Variants in CDH12 observed in about 807,000 individuals in gnomAD.
CDH12 encodes cadherin-12.
Under a neutral mutation model 74.1 loss-of-function variants are expected in CDH12, and 41 were observed. The observed-to-expected ratio is 0.55, with a 90% CI of 0.43 to 0.72. The LOEUF (loss-of-function observed/expected upper bound fraction) is 0.72, where lower values mean the gene tolerates loss of function less well. Among genes scored for constraint, CDH12 ranks in the 30% least tolerant of loss-of-function variants. The probability of loss-of-function intolerance (pLI) is 0.00; values close to 1 mark genes in which losing one functional copy is unlikely to be tolerated. For missense variants in CDH12, 945 were observed against 977.2 expected, an observed-to-expected ratio of 0.97 and a Z score of 0.44; for synonymous variants, 399 against 355.0, an observed-to-expected ratio of 1.12 and a Z score of -1.39.
At chr5:21,791,280 A>G (rs2149907916) in intron 10 of CDH12, among the ~76,000 whole-genome samples, 1 of 152,176 alleles carries the variant, frequency 6.6e-6, no homozygotes, top group East Asian at 1.9e-4. Flanking sequence ...CATTTATAAG[A>G]AAAGACCATC....
chr5:21,861,374 C>T (rs1751034519), intron 6 of CDH12, among the ~76,000 whole-genome samples: 1 of 151,744 alleles, frequency 6.6e-6, no homozygotes, highest in Non-Finnish European at 1.5e-5. Flanking sequence ...TTGTATGGTG[C>T]AATTGCATTA....
intron 1 of CDH12, among the ~76,000 whole-genome samples, chr5:22,840,870 C>T (rs1737053483): frequency 6.6e-6 from 1 of 152,142 alleles, no homozygotes; most frequent in Admixed American, 6.6e-5. Flanking sequence ...GGCTGGTAAT[C>T]AGTATCCCAG....
chr5:22,066,917 G>T (rs1741603095), intron 5 of CDH12, among the ~76,000 whole-genome samples: 1 of 152,122 alleles, frequency 6.6e-6, no homozygotes, highest in Non-Finnish European at 1.5e-5. Context: ...GCCAGATGTG[G>T]CTTCATTGCT....
At chr5:22,803,909 A>G (rs976158321) in intron 1 of CDH12, among the ~76,000 whole-genome samples, 1 of 152,176 alleles carries the variant, frequency 6.6e-6, no homozygotes, top group Non-Finnish European at 1.5e-5. Flanking sequence ...TTTATTTGGT[A>G]AAACACAGTT....
chr5:21,820,032 T>C (rs1273278517), intron 8 of CDH12, among the ~76,000 whole-genome samples: 1 of 151,928 alleles, frequency 6.6e-6, no homozygotes, highest in Non-Finnish European at 1.5e-5. Flanking sequence ...TCCTCTCTAA[T>C]GGATTATGGT....
intron 4 of CDH12, among the ~76,000 whole-genome samples, chr5:22,102,507 A>G (rs1034195141): frequency 3.9e-4 from 60 of 152,056 alleles, no homozygotes; most frequent in African/African-American, 1.4e-3. Context: ...CGTCTCTACT[A>G]AAAATACAAA....
At chr5:22,180,617 G>A (rs571470937) in intron 4 of CDH12, among the ~76,000 whole-genome samples, 4 of 151,978 alleles carry the variant, frequency 2.6e-5, no homozygotes, top group South Asian at 4.2e-4. Flanking sequence ...GGTTTCAAGC[G>A]ATTTTCCTGC....
chr5:22,564,924 CT>C (rs988192494), intron 1 of CDH12, among the ~76,000 whole-genome samples: 3 of 152,102 alleles, frequency 2.0e-5, no homozygotes, highest in African/African-American at 4.8e-5. Context: ...TACTGATTAC[CT>C]TTTTTTCTTT....
At chr5:22,776,001 T>G (rs565859613) in intron 1 of CDH12, among the ~76,000 whole-genome samples, 5 of 152,240 alleles carry the variant, frequency 3.3e-5, no homozygotes, top group African/African-American at 7.2e-5. Flanking sequence ...ATGTAAGAAG[T>G]GCCTTTTGCC....
chr5:22,722,832 C>G (rs1203268590), intron 1 of CDH12, among the ~76,000 whole-genome samples: 2 of 152,132 alleles, frequency 1.3e-5, no homozygotes, highest in Non-Finnish European at 2.9e-5. Context: ...AAAATTGGTG[C>G]TAAATTTGTG....
intron 6 of CDH12, among the ~76,000 whole-genome samples, chr5:21,943,606 G>A (rs1456775025): frequency 6.6e-6 from 1 of 152,138 alleles, no homozygotes; most frequent in Non-Finnish European, 1.5e-5. Flanking sequence ...ACTCAGTTGT[G>A]TAGGAAATAA....
At chr5:22,692,404 A>G (rs888826855) in intron 1 of CDH12, among the ~76,000 whole-genome samples, 2 of 152,246 alleles carry the variant, frequency 1.3e-5, no homozygotes, top group East Asian at 1.9e-4. Flanking sequence ...GCTTCTTCAC[A>G]TCATGGATCA....
chr5:22,529,184 TATATAGAGAGAGAGAGAGAGAGAGAG>T (rs1737456618), intron 1 of CDH12, among the ~76,000 whole-genome samples: 2 of 83,628 alleles, frequency 2.4e-5, no homozygotes, highest in African/African-American at 4.9e-5. Flanking sequence ...TATATATATA[TATATAGAGAGAGAGAGAGAGAGAGAG>T]AGAGAGAGAG....
chr5:21,936,594 G>A (rs968268353), intron 6 of CDH12, among the ~76,000 whole-genome samples: 9 of 152,028 alleles, frequency 5.9e-5, no homozygotes, highest in African/African-American at 2.2e-4. Context: ...ATTATGGTGG[G>A]GTGGGACGGA....
chr5:22,485,184 CTTTTCT>C (rs1414456348), intron 2 of CDH12, among the ~76,000 whole-genome samples: 6 of 21,936 alleles, frequency 2.7e-4, no homozygotes, highest in East Asian at 1.9e-3. Context: ...CTTTTCTTTT[CTTTTCT>C]TTTTTTTTAG....
At chr5:22,473,727 T>A (rs1383224715) in intron 2 of CDH12, among the ~76,000 whole-genome samples, 1 of 152,166 alleles carries the variant, frequency 6.6e-6, no homozygotes, top group Non-Finnish European at 1.5e-5. Flanking sequence ...TCTAAATTAC[T>A]ATAATATGTG....
At chr5:22,700,848 G>C (rs1203863850) in intron 1 of CDH12, among the ~76,000 whole-genome samples, 6 of 152,166 alleles carry the variant, frequency 3.9e-5, no homozygotes. Flanking sequence ...CCAATTTAAA[G>C]TGGTGTTTAT....
At chr5:22,580,350 C>G (rs1740020073) in intron 1 of CDH12, 2 of 460,954 alleles carry the variant, frequency 4.3e-6, no homozygotes, top group Non-Finnish European at 8.9e-6. Context: ...TTTCAAGTCA[C>G]CAGCTCTGAA....
At chr5:22,146,692 A>G (rs182708250) in intron 4 of CDH12, among the ~76,000 whole-genome samples, 12 of 152,262 alleles carry the variant, frequency 7.9e-5, no homozygotes, top group African/African-American at 2.9e-4. Context: ...AATGTAAAAG[A>G]TTGGAAGTGT....
Sources: allele counts gnomAD v4.1 joint callset (sites outside exome capture counted in the v4.1 genomes callset), GRCh38; gene constraint gnomAD v4.1.1; transcripts MANE v1.5; gene names NCBI Gene and HGNC (gene_info 2026-07-23, HGNC 2026-07-21).